The following TXNDC16 variants were observed in gnomAD, a reference collection of about 807,000 sequenced individuals.
TXNDC16 encodes the protein thioredoxin domain-containing protein 16.
In TXNDC16, 74 loss-of-function variants were observed where a neutral mutation model predicts 85.6. That is an observed-to-expected ratio of 0.86 (90% confidence interval 0.72 to 1.05). The LOEUF (loss-of-function observed/expected upper bound fraction) is 1.05, where lower values mean the gene tolerates loss of function less well. Ranked by LOEUF, TXNDC16 falls within the 50% of genes least tolerant of loss-of-function variation. The pLI, the probability that TXNDC16 is intolerant of heterozygous loss-of-function variation, is 0.00. For missense variants in TXNDC16, 959 were observed against 947.0 expected (o/e 1.01, Z -0.17); for synonymous variants, 335 against 326.5 (o/e 1.03, Z -0.28).
At chr14:52,552,126 T>A (rs943815325) in intron 1 of TXNDC16, among the ~76,000 whole-genome samples, 190 bp downstream of exon 1, 3 of 152,180 alleles carry the variant, frequency 2.0e-5, no homozygotes, top group African/African-American at 7.2e-5. Context: ...CCGCCGTTCA[T>A]GCAGCGAAAA....
At chr14:52,455,981 T>A (rs1365825745) in intron 17 of TXNDC16, among the ~76,000 whole-genome samples, 2 of 152,188 alleles carry the variant, frequency 1.3e-5, no homozygotes, top group East Asian at 1.9e-4. Context: ...GAGGTGTCCC[T>A]GACACAGTCT....
intron 6 of TXNDC16, among the ~76,000 whole-genome samples, chr14:52,527,795 A>G (rs2037372313): frequency 6.6e-6 from 1 of 152,102 alleles, no homozygotes; most frequent in African/African-American, 2.4e-5. Flanking sequence ...ACAGACTCAC[A>G]AGTAGGGTAA....
At chr14:52,449,545 G>C (rs1219259409) in intron 18 of TXNDC16, among the ~76,000 whole-genome samples, 4 of 152,062 alleles carry the variant, frequency 2.6e-5, no homozygotes, top group East Asian at 3.9e-4. Context: ...AAATCTTCTT[G>C]ACAGGAAATC....
At chr14:52,433,690 A>C (rs1420395193) in intron 20 of TXNDC16, among the ~76,000 whole-genome samples, 1 of 152,224 alleles carries the variant, frequency 6.6e-6, no homozygotes, top group African/African-American at 2.4e-5. Flanking sequence ...AACTATATGA[A>C]ATCCTGGTAA....
intron 14 of TXNDC16, among the ~76,000 whole-genome samples, chr14:52,471,976 T>A (rs1409950879): frequency 2.0e-5 from 3 of 149,970 alleles, no homozygotes; most frequent in Non-Finnish European, 3.0e-5. Context: ...AAGGAATCTT[T>A]GTGTATCAAT....
At position 52,530,472 on chromosome 14, in the gene TXNDC16, TTATTATATATAA is replaced by T. The variant is rs2037522240; in HGVS notation, c.392+6235_392+6246del. Among the ~76,000 whole-genome samples the T allele has an allele frequency of 6.4e-3, 11 of 1,706 alleles. 4 individuals are homozygous for T. Among genetic ancestry groups the T allele is most frequent in the African/African-American group, 9.6e-3 (7 of 732 alleles). 1.1% of individuals were successfully genotyped at this position (1,706 alleles called of 152,430 possible). ...ATTATATAATAATATATATTATATA[TTATTATATATAA>T]TATTATATATAATAATATAATATAT... On this transcript the variant is annotated intron_variant, in intron 6 of 20. Coordinates refer to ENST00000281741, the MANE Select transcript of TXNDC16 (RefSeq NM_020784.3).
chr14:52,541,356 T>C (rs1427428040), intron 4 of TXNDC16, among the ~76,000 whole-genome samples: 1 of 152,192 alleles, frequency 6.6e-6, no homozygotes, highest in East Asian at 1.9e-4. Flanking sequence ...GTCTACCAGT[T>C]ACTAAACAGT....
intron 18 of TXNDC16, among the ~76,000 whole-genome samples, chr14:52,446,907 A>G (rs2035297605): frequency 1.4e-5 from 2 of 142,320 alleles, no homozygotes; most frequent in Admixed American, 6.9e-5. Flanking sequence ...CCTTGGGCCT[A>G]GGTAGTACAT....
chr14:52,444,547 T>A (rs73304868), intron 18 of TXNDC16, among the ~76,000 whole-genome samples: 50 of 152,260 alleles, frequency 3.3e-4, no homozygotes, highest in African/African-American at 1.1e-3. Context: ...CTGTTCAGTA[T>A]TAAGTTGAAC....
intron 16 of TXNDC16, among the ~76,000 whole-genome samples, chr14:52,457,907 T>A (rs895445795): frequency 6.6e-6 from 1 of 152,202 alleles, no homozygotes; most frequent in Non-Finnish European, 1.5e-5. Flanking sequence ...TGTAGACTAA[T>A]GAGAAAAGCA....
rs906145960 is a variant in TXNDC16 at position 52,519,167 on chromosome 14, A to T, written c.514+5T>A. ...GCAAAGATTAAAGCAAAAGTTAAAG[A>T]ATACCTGGTATTCCAATGGCTCTTA... On this transcript the variant is annotated splice_donor_5th_base_variant and intron_variant, in intron 7 of 20. Coordinates refer to ENST00000281741, the MANE Select transcript of TXNDC16 (RefSeq NM_020784.3). 4.4e-6 allele frequency: 7 copies of T among 1,606,272 alleles called. No individual in the cohort carries two copies. The highest frequency in any genetic ancestry group is 5.9e-6 in the Non-Finnish European group (7 of 1,176,936).
intron 9 of TXNDC16, among the ~76,000 whole-genome samples, chr14:52,504,797 C>T (rs1430248481): frequency 6.6e-6 from 1 of 152,130 alleles, no homozygotes; most frequent in African/African-American, 2.4e-5. Context: ...AGAGTCAAGA[C>T]CCATCAGTGT....
chr14:52,447,192 A>T (rs949108065), intron 18 of TXNDC16, among the ~76,000 whole-genome samples: 5 of 151,778 alleles, frequency 3.3e-5, no homozygotes, highest in Non-Finnish European at 5.9e-5. Flanking sequence ...CTGAAGCATG[A>T]GTCCCAGGCC....
chr14:52,435,766 G>A (rs527902716), intron 20 of TXNDC16, among the ~76,000 whole-genome samples: 9 of 152,132 alleles, frequency 5.9e-5, no homozygotes, highest in Admixed American at 1.3e-4. Context: ...TTCAAGACCA[G>A]CCTGGACAAC....
At chr14:52,439,171 A>G in intron 20 of TXNDC16, 33 bp downstream of exon 20, 1 of 1,587,182 alleles carries the variant, frequency 6.3e-7, no homozygotes, top group Non-Finnish European at 8.6e-7. Flanking sequence ...CAAAATGCAG[A>G]ACTACATGTA....
intron 6 of TXNDC16, among the ~76,000 whole-genome samples, chr14:52,529,915 A>ATT (rs1359855080): frequency 5.4e-5 from 6 of 110,954 alleles, no homozygotes; most frequent in African/African-American, 2.2e-4. Flanking sequence ...TATATTATAT[A>ATT]ATATACATTA....
At chr14:52,547,834 C>T (rs1472584120) in intron 1 of TXNDC16, among the ~76,000 whole-genome samples, 1 of 152,162 alleles carries the variant, frequency 6.6e-6, no homozygotes, top group Admixed American at 6.5e-5. Context: ...GAATTACCTC[C>T]ACCAGGAAAA....
At chr14:52,500,344 T>A (rs951350034) in intron 9 of TXNDC16, among the ~76,000 whole-genome samples, 1 of 152,158 alleles carries the variant, frequency 6.6e-6, no homozygotes, top group Non-Finnish European at 1.5e-5. Context: ...CTAAGTGAAA[T>A]AAGCCAACTG....
chr14:52,451,818 A>G (rs2035419426), intron 18 of TXNDC16, among the ~76,000 whole-genome samples: 1 of 152,200 alleles, frequency 6.6e-6, no homozygotes. Context: ...TATTCAACAT[A>G]GTACTGGAAG....
Sources: gnomAD v4.1 joint callset for allele counts (sites outside exome capture counted in the v4.1 genomes callset) on GRCh38, gnomAD v4.1.1 for gene constraint, MANE v1.5 for transcripts, NCBI Gene and HGNC (gene_info 2026-07-23, HGNC 2026-07-21) for gene names.